UBE2R2: variants seen among roughly 807,000 people sequenced by gnomAD.
UBE2R2 encodes the protein ubiquitin conjugating enzyme E2 R2, also known as ubiquitin-conjugating enzyme E2 R2.
Under a neutral mutation model 27.8 loss-of-function variants are expected in UBE2R2, and 1 was observed. That is an observed-to-expected ratio of 0.04 (90% CI 0.01 to 0.17). The LOEUF is 0.17. UBE2R2 is among the 10% of genes least tolerant of loss of function. The pLI, the probability that UBE2R2 is intolerant of heterozygous loss-of-function variation, is 1.00. For missense variants in UBE2R2, 100 were observed against 291.0 expected (o/e 0.34, Z 4.78); for synonymous variants, 106 against 113.3 (o/e 0.94, Z 0.41).
chr9:33,836,520 C>G (rs1820617692), intron 1 of UBE2R2, among the ~76,000 whole-genome samples: 1 of 152,028 alleles, frequency 6.6e-6, no homozygotes, highest in Admixed American at 6.6e-5. Context: ...CTTTGGGAGG[C>G]AGAGGCACGC....
chr9:33,829,951 C>T (rs1200711052), intron 1 of UBE2R2, among the ~76,000 whole-genome samples: 2 of 151,938 alleles, frequency 1.3e-5, no homozygotes, highest in Non-Finnish European at 2.9e-5. Flanking sequence ...GCATGTGCCA[C>T]CACGCCCGGC....
At chr9:33,907,357 T>C (rs748844473) in intron 3 of UBE2R2, among the ~76,000 whole-genome samples, 1 of 152,172 alleles carries the variant, frequency 6.6e-6, no homozygotes, top group Admixed American at 6.5e-5. Context: ...ACCTATCTTA[T>C]TGCCTCGCTG....
At chr9:33,864,721 ATT>A (rs532796406) in intron 1 of UBE2R2, among the ~76,000 whole-genome samples, 26,440 of 131,944 alleles carry the variant, frequency 0.2, 2,616 homozygotes, top group South Asian at 0.33. Context: ...CTAACTTTTA[ATT>A]TTTTTTTTTT....
intron 1 of UBE2R2, among the ~76,000 whole-genome samples, chr9:33,863,860 G>A (rs896750721): frequency 9.9e-5 from 15 of 151,846 alleles, no homozygotes; most frequent in African/African-American, 3.4e-4. Context: ...GCCAATTTTT[G>A]TATTTTTAGT....
chr9:33,825,147 A>C (rs916721523), intron 1 of UBE2R2, among the ~76,000 whole-genome samples: 2 of 152,024 alleles, frequency 1.3e-5, no homozygotes, highest in Non-Finnish European at 2.9e-5. Context: ...ATAACCTTAG[A>C]GCTTTTAAGA....
rs777950918 is a variant in UBE2R2 at position 33,912,030 on chromosome 9, T to C, written c.429T>C (p.Asp143=). 1 of 1,613,852 alleles carries C rather than the reference T, an allele frequency of 6.2e-7. No homozygotes were observed. Among genetic ancestry groups the C allele is most frequent in the Admixed American group, 1.7e-5 (1 of 60,008 alleles). The change falls in exon 4 of 5, where the codon GAT becomes GAC. Residue 143 remains aspartate, a synonymous_variant. Coordinates refer to ENST00000263228, the MANE Select transcript of UBE2R2 (RefSeq NM_017811.4). Reference sequence around the variant, plus strand: ...ACACCTTCTCCCCAGCCAATGTCGATGCTTCAGTTATGTTCAGGAAATGGA... The same window carrying C: ...ACACCTTCTCCCCAGCCAATGTCGACGCTTCAGTTATGTTCAGGAAATGGA... ...EPNTFSPANV[D]ASVMFRKWRD...
chr9:33,918,179 G>C lies in UBE2R2; in HGVS notation c.*942G>C, dbSNP rs909977405. On this transcript the variant is annotated 3_prime_UTR_variant, in exon 5 of 5. Transcript: ENST00000263228. Reference sequence around the variant, plus strand: ...ACCACTGTTGGGAGAGGAAACATCTGTTTTATAGATTTAGCATGGCCTTCC... The same window carrying C: ...ACCACTGTTGGGAGAGGAAACATCTCTTTTATAGATTTAGCATGGCCTTCC... 3 of 152,420 alleles carry C rather than the reference G, an allele frequency of 2.0e-5. No individual in the cohort carries two copies. Among genetic ancestry groups the C allele is most frequent in the African/African-American group, 7.2e-5 (3 of 41,420 alleles). 9.4% of individuals were successfully genotyped at this position (152,420 alleles called of 1,614,324 possible). A position where few individuals can be genotyped will look rare whatever the true frequency, so the allele number is the denominator to read the frequency against.
At chr9:33,829,927 A>G (rs1174166229) in intron 1 of UBE2R2, among the ~76,000 whole-genome samples, 2 of 149,454 alleles carry the variant, frequency 1.3e-5, no homozygotes, top group African/African-American at 2.5e-5. Flanking sequence ...CCTCCCGAGT[A>G]GCAAGGACTA....
At chr9:33,819,317 A>G (rs1460345030) in intron 1 of UBE2R2, among the ~76,000 whole-genome samples, 1 of 152,058 alleles carries the variant, frequency 6.6e-6, no homozygotes, top group African/African-American at 2.4e-5. Flanking sequence ...AATTAGGTCA[A>G]CTTTGTAGGA....
intron 1 of UBE2R2, among the ~76,000 whole-genome samples, chr9:33,828,947 C>T (rs1820380585): frequency 6.6e-6 from 1 of 152,108 alleles, no homozygotes; most frequent in African/African-American, 2.4e-5. Context: ...GTTGGCCAGA[C>T]TCGTCTCGAA....
chr9:33,845,765 T>C (rs180794706), intron 1 of UBE2R2, among the ~76,000 whole-genome samples: 5 of 152,160 alleles, frequency 3.3e-5, no homozygotes, highest in East Asian at 1.9e-4. Context: ...CCCAGCACTT[T>C]GGGAGGCTGA....
At chr9:33,896,600 C>T (rs903487908) in intron 2 of UBE2R2, among the ~76,000 whole-genome samples, 1 of 141,682 alleles carries the variant, frequency 7.1e-6, no homozygotes, top group Non-Finnish European at 1.5e-5. Context: ...TGTGTCATGA[C>T]TGGCTATTTT....
Position 33,823,107 on chromosome 9 carries a change from T to C in UBE2R2, c.177+5173T>C, listed in dbSNP as rs538154527. 6.7e-5 allele frequency among the ~76,000 whole-genome samples: 10 copies of C among 150,306 alleles called. No homozygotes were observed. In the East Asian group the frequency reaches 1.8e-3, roughly 28 times the overall value. Reference sequence around the variant, plus strand: ...TTTTAGTAGAGATGGGGTTTTGCCATGTTGGCCAGGCTGGTCTTGAACTCC... The same window carrying C: ...TTTTAGTAGAGATGGGGTTTTGCCACGTTGGCCAGGCTGGTCTTGAACTCC... On this transcript the variant is annotated intron_variant, in intron 1 of 4. Transcript: ENST00000263228.
chr9:33,873,237 G>A (rs970277175), intron 1 of UBE2R2, among the ~76,000 whole-genome samples: 6 of 149,340 alleles, frequency 4.0e-5, no homozygotes, highest in African/African-American at 1.2e-4. Flanking sequence ...TAATTAAATG[G>A]ACCTGTAGGT....
chr9:33,870,823 G>A lies in UBE2R2; in HGVS notation c.178-16058G>A, dbSNP rs151049049. On this transcript the variant is annotated intron_variant, in intron 1 of 4. Transcript: ENST00000263228. ...TAATGAGTATTATTTATCACTACTTGGATCTGTCATTGTTCACTTATTTCC... is the reference window on the plus strand; with the variant it reads ...TAATGAGTATTATTTATCACTACTTAGATCTGTCATTGTTCACTTATTTCC... Among the ~76,000 whole-genome samples, 73 of 152,226 alleles carry A rather than the reference G, an allele frequency of 4.8e-4. 1 individual carries two copies. Among genetic ancestry groups the A allele is most frequent in the African/African-American group, 1.6e-3 (68 of 41,528 alleles).
At chr9:33,901,756 A>G (rs1822249043) in intron 3 of UBE2R2, among the ~76,000 whole-genome samples, 1 of 152,168 alleles carries the variant, frequency 6.6e-6, no homozygotes, top group African/African-American at 2.4e-5. Context: ...TTATTTAGAA[A>G]GAGTTGAGAA....
In UBE2R2 at chr9:33,890,109, G is replaced by T. The variant is rs372532184; in HGVS notation, c.264+3142G>T. On this transcript the variant is annotated intron_variant, in intron 2 of 4. Transcript: ENST00000263228. ...AAAGCTCTACAGGAAAGAAGTGTAG[G>T]TAGGTAATTACACTCCCCTTTCCAC... is the stretch of plus-strand genomic sequence containing the variant. Among the ~76,000 whole-genome samples, 53 of 152,048 alleles carry T rather than the reference G, an allele frequency of 3.5e-4. No homozygotes were observed. The East Asian group carries it at 8.1e-3, about 23-fold the overall frequency.
intron 3 of UBE2R2, among the ~76,000 whole-genome samples, chr9:33,905,927 C>G (rs745909620): frequency 1.3e-5 from 2 of 152,136 alleles, no homozygotes; most frequent in African/African-American, 2.4e-5. Flanking sequence ...AGGTTTGGCT[C>G]CAGAGACCTG....
At chr9:33,877,488 T>G (rs573254806) in intron 1 of UBE2R2, among the ~76,000 whole-genome samples, 2 of 152,152 alleles carry the variant, frequency 1.3e-5, no homozygotes, top group East Asian at 3.9e-4. Context: ...TTTTAAAAGA[T>G]TATATAGTAG....
Sources: allele counts gnomAD v4.1 joint callset (sites outside exome capture counted in the v4.1 genomes callset), GRCh38; gene constraint gnomAD v4.1.1; transcripts MANE v1.5; gene names NCBI Gene and HGNC (gene_info 2026-07-23, HGNC 2026-07-21).